Variants in NRG3 observed in about 807,000 individuals in gnomAD.
NRG3 encodes pro-neuregulin-3, membrane-bound isoform.
NRG3 carries 31 observed loss-of-function variants against 66.9 expected under a neutral mutation model. The ratio of observed to expected loss-of-function variants is 0.46; its 90% CI spans 0.35 to 0.63. The LOEUF (loss-of-function observed/expected upper bound fraction) is 0.63, where lower values mean the gene tolerates loss of function less well. Ranked by LOEUF, NRG3 falls within the 20% of genes least tolerant of loss-of-function variation. The pLI, the probability that NRG3 is intolerant of heterozygous loss-of-function variation, is 0.00. For missense variants in NRG3, 910 were observed against 878.9 expected, an observed-to-expected ratio of 1.04 and a Z score of -0.45; for synonymous variants, 393 against 359.4, an observed-to-expected ratio of 1.09 and a Z score of -1.06.
At chr10:82,160,564 G>A (rs746638876) in intron 1 of NRG3, among the ~76,000 whole-genome samples, 2 of 151,672 alleles carry the variant, frequency 1.3e-5, no homozygotes, top group Non-Finnish European at 2.9e-5. Flanking sequence ...AGAGTGCAGT[G>A]GTGCAATGGA....
chr10:82,602,913 A>G (rs2047721514), intron 2 of NRG3, among the ~76,000 whole-genome samples: 1 of 152,204 alleles, frequency 6.6e-6, no homozygotes, highest in Non-Finnish European at 1.5e-5. Flanking sequence ...TGCTTGCCTA[A>G]GGAGACAATG....
chr10:82,397,101 G>A (rs1564876419), intron 2 of NRG3, among the ~76,000 whole-genome samples: 1 of 152,110 alleles, frequency 6.6e-6, no homozygotes, highest in African/African-American at 2.4e-5. Context: ...GGCAATTGGT[G>A]TCCCTCTGGG....
intron 2 of NRG3, among the ~76,000 whole-genome samples, chr10:82,521,411 G>A (rs1195141042): frequency 1.3e-5 from 2 of 151,854 alleles, no homozygotes; most frequent in Admixed American, 6.6e-5. Flanking sequence ...TGTGATCTCG[G>A]CTCACTGCAA....
chr10:82,105,729 A>G (rs2067019628), intron 1 of NRG3, among the ~76,000 whole-genome samples: 1 of 152,194 alleles, frequency 6.6e-6, no homozygotes, highest in Non-Finnish European at 1.5e-5. Flanking sequence ...TATTATCAAT[A>G]AATTACATGT....
At chr10:82,440,730 A>G (rs902836861) in intron 2 of NRG3, among the ~76,000 whole-genome samples, 6 of 152,170 alleles carry the variant, frequency 3.9e-5, no homozygotes, top group African/African-American at 1.2e-4. Context: ...AATGATTGCA[A>G]TTCTTTTATC....
At chr10:82,177,101 G>T (rs1057358809) in intron 1 of NRG3, among the ~76,000 whole-genome samples, 1 of 152,032 alleles carries the variant, frequency 6.6e-6, no homozygotes, top group African/African-American at 2.4e-5. Context: ...GATTAAATAA[G>T]ATACCTTAGT....
intron 3 of NRG3, among the ~76,000 whole-genome samples, chr10:82,742,734 G>T (rs2058478205): frequency 6.6e-6 from 1 of 152,068 alleles, no homozygotes. Flanking sequence ...GCGCACTGAG[G>T]GATAGCAGCA....
intron 2 of NRG3, among the ~76,000 whole-genome samples, chr10:82,705,545 C>A (rs755101470): frequency 6.6e-6 from 1 of 152,174 alleles, no homozygotes; most frequent in Non-Finnish European, 1.5e-5. Context: ...CTAATCCAAG[C>A]TGCAGGGTCC....
intron 4 of NRG3, among the ~76,000 whole-genome samples, chr10:82,937,844 A>T (rs1848233623): frequency 6.6e-6 from 1 of 152,170 alleles, no homozygotes; most frequent in Non-Finnish European, 1.5e-5. Context: ...CATTAGACCA[A>T]ACTTAGAATC....
At chr10:81,995,083 A>G (rs1489375151) in intron 1 of NRG3, among the ~76,000 whole-genome samples, 3 of 152,160 alleles carry the variant, frequency 2.0e-5, no homozygotes, top group African/African-American at 7.2e-5. Context: ...AATGGAGCTC[A>G]AGATGAATTC....
At position 82,109,535 on chromosome 10, in the gene NRG3, T is replaced by TTGTGTG. The variant is rs747213240; in HGVS notation, c.823+233410_823+233415dup. ...TAGGAAACAAAGCTAAAGAATAAGA[T>TTGTGTG]TGTGTGTGTGTGTGTGTGTGTGTGT... On this transcript the variant is annotated intron_variant, in intron 1 of 8. Transcript: ENST00000372141. Among the ~76,000 whole-genome samples, 862 of 138,808 alleles carry TTGTGTG rather than the reference T, an allele frequency of 6.2e-3. 12 individuals are homozygous for TTGTGTG. Among genetic ancestry groups the TTGTGTG allele is most frequent in the East Asian group, 0.039 (179 of 4,560 alleles). 91.1% of individuals were successfully genotyped at this position (138,808 alleles called of 152,430 possible).
intron 1 of NRG3, among the ~76,000 whole-genome samples, chr10:82,137,589 A>G (rs2069463630): frequency 6.6e-6 from 1 of 152,226 alleles, no homozygotes; most frequent in Non-Finnish European, 1.5e-5. Flanking sequence ...TAAACAGATC[A>G]GATTATTGAT....
intron 2 of NRG3, among the ~76,000 whole-genome samples, chr10:82,674,228 T>TG (rs1565190059): frequency 6.6e-6 from 1 of 152,212 alleles, no homozygotes. Flanking sequence ...GAACTCAATA[T>TG]GGAATTAGTC....
intron 2 of NRG3, among the ~76,000 whole-genome samples, chr10:82,632,252 T>TG (rs1565147867): frequency 6.6e-6 from 1 of 152,208 alleles, no homozygotes; most frequent in Non-Finnish European, 1.5e-5. Flanking sequence ...GATCCATAAA[T>TG]GGCCTTTGGG....
At chr10:81,897,814 G>T (rs368420632) in intron 1 of NRG3, among the ~76,000 whole-genome samples, 1 of 152,196 alleles carries the variant, frequency 6.6e-6, no homozygotes, top group Non-Finnish European at 1.5e-5. Flanking sequence ...GAAAACCAGT[G>T]ATGGGATTAT....
chr10:82,790,343 G>C (rs761381603), intron 3 of NRG3, among the ~76,000 whole-genome samples: 1 of 151,938 alleles, frequency 6.6e-6, no homozygotes, highest in South Asian at 2.1e-4. Context: ...TTCTCCTTCA[G>C]TTTTGAAGGA....
chr10:82,802,357 C>G (rs1247373971), intron 3 of NRG3, among the ~76,000 whole-genome samples: 1 of 152,078 alleles, frequency 6.6e-6, no homozygotes, highest in African/African-American at 2.4e-5. Flanking sequence ...ATATTTCAAA[C>G]TTTATAAATC....
chr10:82,121,288 A>G (rs901682511), intron 1 of NRG3, among the ~76,000 whole-genome samples: 1 of 152,116 alleles, frequency 6.6e-6, no homozygotes, highest in Non-Finnish European at 1.5e-5. Context: ...GATACTTTCA[A>G]AGGAGTTGTA....
chr10:82,724,572 A>G (rs1006899459), intron 2 of NRG3, among the ~76,000 whole-genome samples: 1 of 152,176 alleles, frequency 6.6e-6, no homozygotes, highest in African/African-American at 2.4e-5. Context: ...ATCATGTTTC[A>G]TGTAGAACCT....
Sources: allele counts gnomAD v4.1 joint callset (sites outside exome capture counted in the v4.1 genomes callset), GRCh38; gene constraint gnomAD v4.1.1; transcripts MANE v1.5; gene names NCBI Gene and HGNC (gene_info 2026-07-23, HGNC 2026-07-21).